Variants in CCSER1 observed in about 807,000 individuals in gnomAD.
CCSER1 encodes serine-rich coiled-coil domain-containing protein 1.
CCSER1 carries 41 observed loss-of-function variants against 82.0 expected under a neutral mutation model. The ratio of observed to expected loss-of-function variants is 0.50; its 90% CI spans 0.39 to 0.65. The LOEUF (loss-of-function observed/expected upper bound fraction) is 0.65. Among genes scored for constraint, CCSER1 ranks in the 30% least tolerant of loss-of-function variants. CCSER1 has a pLI of 0.00. For synonymous variants in CCSER1, 414 were observed against 383.9 expected (o/e 1.08, Z -0.92); for missense variants, 1,119 against 1,064.2 (o/e 1.05, Z -0.72).
chr4:91,223,325 T>A (rs527248649), intron 10 of CCSER1, among the ~76,000 whole-genome samples: 2 of 152,146 alleles, frequency 1.3e-5, no homozygotes, highest in African/African-American at 4.8e-5. Flanking sequence ...ACTATCATCG[T>A]CAAAACACAT....
chr4:90,760,930 A>C (rs1156703728), intron 7 of CCSER1, among the ~76,000 whole-genome samples: 1 of 152,148 alleles, frequency 6.6e-6, no homozygotes, highest in East Asian at 1.9e-4. Context: ...AGGAATAAAG[A>C]GTAAGTTATA....
chr4:90,939,875 A>G (rs1328230914), intron 9 of CCSER1, among the ~76,000 whole-genome samples: 1 of 151,986 alleles, frequency 6.6e-6, no homozygotes, highest in Non-Finnish European at 1.5e-5. Flanking sequence ...ATACAAAAAC[A>G]TTTTTTGTTT....
intron 10 of CCSER1, among the ~76,000 whole-genome samples, chr4:91,087,402 G>T (rs183426933): frequency 1.3e-5 from 2 of 152,036 alleles, no homozygotes; most frequent in Non-Finnish European, 2.9e-5. Context: ...ATTTTTAAAT[G>T]CATAATGATT....
chr4:90,582,388 G>A (rs17017212), intron 5 of CCSER1, among the ~76,000 whole-genome samples: 3,559 of 152,110 alleles, frequency 0.023, 99 homozygotes, highest in South Asian at 0.088. Flanking sequence ...ATAGATATTA[G>A]TTAGGAACTC....
intron 9 of CCSER1, among the ~76,000 whole-genome samples, chr4:90,969,078 G>A (rs1266814619): frequency 6.6e-6 from 1 of 151,762 alleles, no homozygotes; most frequent in African/African-American, 2.4e-5. Context: ...ATCTGTGAAT[G>A]TAAAGACAGG....
rs1354648458 is a variant in CCSER1 at position 90,989,806 on chromosome 4, TC to T, written c.2172+66360del. Among the ~76,000 whole-genome samples the T allele has an allele frequency of 8.0e-4, 121 of 151,442 alleles. 1 individual carries two copies. Among genetic ancestry groups the T allele is most frequent in the Non-Finnish European group, 1.8e-4 (12 of 67,754 alleles). ...TTGAAAACCACTAAAAAAAAGCAAG[TC>T]TTATATTTGACAGAAAACAGGGAGA... On this transcript the variant is annotated intron_variant, in intron 9 of 10. Transcript: ENST00000509176.
chr4:90,320,971 ATT>A (rs1357751363), intron 3 of CCSER1, among the ~76,000 whole-genome samples: 1 of 152,090 alleles, frequency 6.6e-6, no homozygotes, highest in Admixed American at 6.6e-5. Flanking sequence ...TACATGTGAT[ATT>A]TTGATACAGG....
chr4:90,795,484 A>C (rs562031231), intron 7 of CCSER1, among the ~76,000 whole-genome samples: 16 of 151,958 alleles, frequency 1.1e-4, no homozygotes, highest in Non-Finnish European at 2.4e-4. Flanking sequence ...GATGTCCTTT[A>C]TTTCTTTCTC....
intron 7 of CCSER1, 129 bp from the exon 8 acceptor site, chr4:90,815,633 T>C (rs1218169159): frequency 6.8e-6 from 4 of 587,592 alleles, no homozygotes; most frequent in Non-Finnish European, 8.7e-6. Context: ...AAAAATATCA[T>C]ACTATAGAGG....
intron 10 of CCSER1, among the ~76,000 whole-genome samples, chr4:91,498,317 C>G (rs1043736261): frequency 1.3e-5 from 2 of 151,954 alleles, no homozygotes; most frequent in African/African-American, 4.8e-5. Context: ...ATTAGTTACA[C>G]TGTATATTAT....
chr4:90,146,295 A>G (rs1319702605), intron 1 of CCSER1, among the ~76,000 whole-genome samples: 7 of 152,230 alleles, frequency 4.6e-5, no homozygotes, highest in East Asian at 1.9e-4. Flanking sequence ...ATATTTTAAT[A>G]TGTAAAGTCT....
intron 10 of CCSER1, among the ~76,000 whole-genome samples, chr4:91,213,280 CT>C (rs762134711): frequency 8.6e-5 from 13 of 151,864 alleles, no homozygotes; most frequent in Non-Finnish European, 1.3e-4. Flanking sequence ...GAATATCTAA[CT>C]TTGTTTTGTT....
chr4:90,552,656 C>T (rs112104637), intron 5 of CCSER1, among the ~76,000 whole-genome samples: 4,243 of 152,018 alleles, frequency 0.028, 80 homozygotes, highest in South Asian at 0.043. Flanking sequence ...GGGTTTTTGC[C>T]GTGTTGCCCA....
Position 91,361,892 on chromosome 4 carries a change from A to G in CCSER1, c.2218-236680A>G, listed in dbSNP as rs115625087. The stretch of plus-strand genomic sequence containing the variant: ...CTGCAATTAAATGAATGTATACTCT[A>G]TATGAGGTGGTACAAAAATATACAA... On this transcript the variant is annotated intron_variant, in intron 10 of 10. Transcript: ENST00000509176. Among the ~76,000 whole-genome samples, 805 of 151,962 alleles carry G rather than the reference A, an allele frequency of 5.3e-3. 13 individuals carry two copies. The highest frequency in any genetic ancestry group is 0.018 in the African/African-American group (765 of 41,526).
At chr4:90,263,348 T>C (rs749363449) in intron 1 of CCSER1, among the ~76,000 whole-genome samples, 3 of 152,200 alleles carry the variant, frequency 2.0e-5, no homozygotes, top group Non-Finnish European at 4.4e-5. Flanking sequence ...AATCCGGCTA[T>C]GTGAACTGAC....
At chr4:90,643,655 A>G (rs1053595919) in intron 6 of CCSER1, among the ~76,000 whole-genome samples, 10 of 152,228 alleles carry the variant, frequency 6.6e-5, no homozygotes, top group African/African-American at 2.4e-4. Context: ...TATGATTTTC[A>G]CAAAGTCTGA....
At chr4:90,180,660 C>A (rs2153385160) in intron 1 of CCSER1, among the ~76,000 whole-genome samples, 1 of 152,188 alleles carries the variant, frequency 6.6e-6, no homozygotes, top group Non-Finnish European at 1.5e-5. Context: ...GGATGAGCCA[C>A]CTTCTTAAAA....
intron 10 of CCSER1, among the ~76,000 whole-genome samples, chr4:91,172,690 C>T (rs2149006275): frequency 6.6e-6 from 1 of 152,296 alleles, no homozygotes; most frequent in Admixed American, 6.5e-5. Flanking sequence ...TATTTCTACA[C>T]TTCCAGGCTA....
chr4:90,742,091 CAGAG>C (rs139712842), intron 7 of CCSER1, among the ~76,000 whole-genome samples: 13 of 149,058 alleles, frequency 8.7e-5, no homozygotes, highest in African/African-American at 2.4e-4. Flanking sequence ...GAGAGGGAGA[CAGAG>C]AGAGAGAGAG....
Sources: gnomAD v4.1 joint callset for allele counts (sites outside exome capture counted in the v4.1 genomes callset) on GRCh38, gnomAD v4.1.1 for gene constraint, MANE v1.5 for transcripts, NCBI Gene and HGNC (gene_info 2026-07-23, HGNC 2026-07-21) for gene names.